The following RAB38 variants were observed in gnomAD, a reference collection of about 807,000 sequenced individuals.
RAB38 encodes the protein ras-related protein Rab-38.
In RAB38, 15 loss-of-function variants were observed where a neutral mutation model predicts 18.4. That is an observed-to-expected ratio of 0.82 (90% confidence interval 0.55 to 1.26). RAB38 has a LOEUF of 1.26. Ranked by LOEUF, RAB38 falls within the 50% of genes most tolerant of loss-of-function variation. The pLI, the probability that RAB38 is intolerant of heterozygous loss-of-function variation, is 0.00. For synonymous variants in RAB38, 101 were observed against 104.4 expected, an observed-to-expected ratio of 0.97 and a Z score of 0.20; for missense variants, 294 against 267.4, an observed-to-expected ratio of 1.10 and a Z score of -0.69.
chr11:88,061,000 GACA>G, the RAB38 span, among the ~76,000 whole-genome samples: 1 of 152,172 alleles, frequency 6.6e-6, no homozygotes, highest in African/African-American at 2.4e-5. Context: ...TGCCTGTGAG[GACA>G]ACAATTTGTT....
chr11:87,977,482 T>TAA, the RAB38 span, among the ~76,000 whole-genome samples: 1 of 48,020 alleles, frequency 2.1e-5, no homozygotes, highest in Non-Finnish European at 3.8e-5. Context: ...ACATATATAA[T>TAA]TATATATAAT....
chr11:88,110,070 T>G (rs143443627), downstream of RAB38, among the ~76,000 whole-genome samples: 460 of 152,306 alleles, frequency 3.0e-3, 1 homozygote, highest in African/African-American at 0.011. Flanking sequence ...TATCCACACG[T>G]ATGTTTATTG....
chr11:88,136,136 C>A (rs1942831523), intron 2 of RAB38, among the ~76,000 whole-genome samples: 1 of 152,166 alleles, frequency 6.6e-6, no homozygotes, highest in Non-Finnish European at 1.5e-5. Flanking sequence ...TCTCTGGACA[C>A]CACAGGCTAA....
the RAB38 span, among the ~76,000 whole-genome samples, chr11:88,099,232 T>C: frequency 6.6e-6 from 1 of 151,952 alleles, no homozygotes. Flanking sequence ...TTATGTATAA[T>C]ATGTAAAAAA....
chr11:87,804,463 G>C, the RAB38 span, among the ~76,000 whole-genome samples: 4 of 152,124 alleles, frequency 2.6e-5, no homozygotes, highest in Non-Finnish European at 5.9e-5. Flanking sequence ...TGCCTCTTCA[G>C]CCTTTGTGCT....
At chr11:87,946,474 T>A in the RAB38 span, among the ~76,000 whole-genome samples, 5 of 152,160 alleles carry the variant, frequency 3.3e-5, no homozygotes, top group African/African-American at 1.2e-4. Context: ...TGTGCCATGT[T>A]GGTGTGCTGC....
intron 2 of RAB38, among the ~76,000 whole-genome samples, chr11:88,116,114 C>T (rs948033962): frequency 1.3e-5 from 2 of 152,208 alleles, no homozygotes; most frequent in African/African-American, 4.8e-5. Flanking sequence ...AGGGTCACAC[C>T]TGAACTCCCT....
At chr11:87,963,926 G>A in the RAB38 span, among the ~76,000 whole-genome samples, 1 of 152,104 alleles carries the variant, frequency 6.6e-6, no homozygotes, top group Non-Finnish European at 1.5e-5. Flanking sequence ...GATTACAAGC[G>A]TGAGCCACCG....
At chr11:87,972,516 G>A in the RAB38 span, among the ~76,000 whole-genome samples, 2 of 90,064 alleles carry the variant, frequency 2.2e-5, no homozygotes, top group African/African-American at 7.3e-5. Context: ...TTAGATAGCA[G>A]TTCTTGTTTT....
At chr11:87,805,424 T>C in the RAB38 span, among the ~76,000 whole-genome samples, 1 of 151,948 alleles carries the variant, frequency 6.6e-6, no homozygotes, top group South Asian at 2.1e-4. Context: ...GGCTAAATGC[T>C]CAGGCATCTT....
the RAB38 span, among the ~76,000 whole-genome samples, chr11:88,004,061 A>G: frequency 2.8e-5 from 4 of 142,740 alleles, no homozygotes; most frequent in African/African-American, 1.0e-4. Context: ...GTATATATAT[A>G]CCTTCTCAGA....
chr11:88,010,634 G>C, the RAB38 span, among the ~76,000 whole-genome samples: 1 of 152,070 alleles, frequency 6.6e-6, no homozygotes, highest in Non-Finnish European at 1.5e-5. Context: ...GTTCCATCCT[G>C]GAGGGATGAC....
chr11:88,023,809 C>G, the RAB38 span, among the ~76,000 whole-genome samples: 1,238 of 152,170 alleles, frequency 8.1e-3, 11 homozygotes, highest in South Asian at 0.049. Context: ...ACAATCTCTT[C>G]AATAAATGAT....
the RAB38 span, among the ~76,000 whole-genome samples, chr11:88,022,115 C>G: frequency 6.6e-6 from 1 of 151,888 alleles, no homozygotes; most frequent in Admixed American, 6.6e-5. Context: ...TACTAGCAAA[C>G]AGAATTCAAC....
chr11:88,110,164 T>C (rs539735569), downstream of RAB38, among the ~76,000 whole-genome samples: 249 of 152,302 alleles, frequency 1.6e-3, no homozygotes, highest in African/African-American at 5.8e-3. Context: ...GTGGCACATA[T>C]ATACCACGGA....
the RAB38 span, among the ~76,000 whole-genome samples, chr11:87,948,062 T>A: frequency 1.3e-5 from 2 of 152,206 alleles, no homozygotes; most frequent in Non-Finnish European, 2.9e-5. Flanking sequence ...GTATCCTCTT[T>A]TATTTCATTG....
chr11:88,027,239 G>C, the RAB38 span, among the ~76,000 whole-genome samples: 2 of 151,904 alleles, frequency 1.3e-5, no homozygotes, highest in East Asian at 3.9e-4. Context: ...TTGAGATAAC[G>C]ATCTCAAAAT....
intron 2 of RAB38, among the ~76,000 whole-genome samples, chr11:88,149,400 A>G (rs142075344): frequency 6.6e-6 from 1 of 152,348 alleles, no homozygotes; most frequent in East Asian, 1.9e-4. Context: ...CCTGGCTCAT[A>G]GTAAGACCTC....
the RAB38 span, among the ~76,000 whole-genome samples, chr11:87,899,347 A>G: frequency 0.3 from 45,513 of 151,536 alleles, 8,638 homozygotes; most frequent in African/African-American, 0.55. Flanking sequence ...GTACTAGTCT[A>G]AAAAATGTCA....
Sources: allele counts gnomAD v4.1 joint callset (sites outside exome capture counted in the v4.1 genomes callset), GRCh38; gene constraint gnomAD v4.1.1; transcripts MANE v1.5; gene names NCBI Gene and HGNC (gene_info 2026-07-23, HGNC 2026-07-21).